The following RABGAP1L variants were observed in gnomAD, a reference collection of about 807,000 sequenced individuals.
The protein encoded by RABGAP1L is RAB GTPase activating protein 1 like.
RABGAP1L carries 63 observed loss-of-function variants against 137.7 expected under a neutral mutation model. The ratio of observed to expected loss-of-function variants is 0.46; its 90% CI spans 0.37 to 0.56. The LOEUF (loss-of-function observed/expected upper bound fraction) is 0.56, where lower values mean the gene tolerates loss of function less well. Among genes scored for constraint, RABGAP1L ranks in the 20% least tolerant of loss-of-function variants. The probability of loss-of-function intolerance (pLI) is 0.00; values close to 1 mark genes in which losing one functional copy is unlikely to be tolerated. For missense variants in RABGAP1L, 1,095 were observed against 1,244.0 expected, an observed-to-expected ratio of 0.88 and a Z score of 1.80; for synonymous variants, 431 against 433.7, an observed-to-expected ratio of 0.99 and a Z score of 0.08.
intron 19 of RABGAP1L, among the ~76,000 whole-genome samples, chr1:174,927,421 G>A (rs1663027820): frequency 6.6e-6 from 1 of 151,904 alleles, no homozygotes; most frequent in Non-Finnish European, 1.5e-5. Flanking sequence ...TTAGAGATAG[G>A]GTCTCGCTGC....
chr1:174,366,632 G>T (rs563025725), intron 11 of RABGAP1L, among the ~76,000 whole-genome samples: 1 of 151,794 alleles, frequency 6.6e-6, no homozygotes, highest in African/African-American at 2.4e-5. Flanking sequence ...AAAATTAGCC[G>T]GGTTTGGTGG....
intron 10 of RABGAP1L, among the ~76,000 whole-genome samples, chr1:174,289,337 T>G (rs750117146): frequency 1.3e-5 from 2 of 152,252 alleles, no homozygotes; most frequent in Non-Finnish European, 2.9e-5. Flanking sequence ...CCACTGTGCC[T>G]AGCTGGATTT....
intron 13 of RABGAP1L, among the ~76,000 whole-genome samples, chr1:174,597,738 C>G (rs1359938023): frequency 6.6e-6 from 1 of 151,928 alleles, no homozygotes; most frequent in Non-Finnish European, 1.5e-5. Flanking sequence ...TTTATTTCTG[C>G]TTTCATCTTA....
chr1:174,900,483 T>C (rs984955276), intron 19 of RABGAP1L, among the ~76,000 whole-genome samples: 3 of 152,190 alleles, frequency 2.0e-5, no homozygotes, highest in Non-Finnish European at 4.4e-5. Flanking sequence ...GAATGTGAAG[T>C]TACAAAGTGT....
At chr1:174,366,629 G>C (rs115608831) in intron 11 of RABGAP1L, among the ~76,000 whole-genome samples, 8,344 of 151,792 alleles carry the variant, frequency 0.055, 338 homozygotes, top group Non-Finnish European at 0.077. Flanking sequence ...AAAAAAATTA[G>C]CCGGGTTTGG....
At chr1:174,349,789 A>C in intron 11 of RABGAP1L, among the ~76,000 whole-genome samples, 1 of 100,182 alleles carries the variant, frequency 1.0e-5, no homozygotes. Context: ...GGGGCTCCTC[A>C]CTTCCCAGTA....
In RABGAP1L at chr1:174,810,890, G is replaced by A. The variant is rs181473211; in HGVS notation, c.2212-942G>A. Among the ~76,000 whole-genome samples, 7 of 151,974 alleles carry A rather than the reference G, an allele frequency of 4.6e-5. No individual in the cohort carries two copies. The East Asian group carries it at 1.4e-3, about 29-fold the overall frequency. ...AGGTGGGAAGATACCCTGAGCCCAG[G>A]AGTTATCAGCTTGGGCAACAGAGTG... On this transcript the variant is annotated intron_variant, in intron 18 of 25. Transcript: ENST00000681986.
At chr1:174,891,929 A>G (rs994947016) in intron 19 of RABGAP1L, among the ~76,000 whole-genome samples, 1 of 151,966 alleles carries the variant, frequency 6.6e-6, no homozygotes, top group East Asian at 1.9e-4. Context: ...GAAGTTACTC[A>G]TAAGTTTACT....
At chr1:174,791,684 G>C (rs989733983) in intron 18 of RABGAP1L, among the ~76,000 whole-genome samples, 1 of 152,178 alleles carries the variant, frequency 6.6e-6, no homozygotes, top group Admixed American at 6.5e-5. Context: ...GGGGATGAAC[G>C]AACTGAGATA....
At chr1:174,304,165 A>G (rs1677979140) in intron 10 of RABGAP1L, among the ~76,000 whole-genome samples, 1 of 152,142 alleles carries the variant, frequency 6.6e-6, no homozygotes, top group Non-Finnish European at 1.5e-5. Flanking sequence ...TTTGATTATG[A>G]CATTAATTGA....
chr1:174,516,113 G>C (rs542208985), intron 13 of RABGAP1L, among the ~76,000 whole-genome samples: 2 of 122,846 alleles, frequency 1.6e-5, no homozygotes, highest in Non-Finnish European at 1.6e-5. Flanking sequence ...GATGAAAACT[G>C]AAGCTCTACA....
chr1:174,970,775 G>T lies in RABGAP1L; in HGVS notation c.2544+1388G>T, dbSNP rs187912117. Among the ~76,000 whole-genome samples the T allele has an allele frequency of 1.0e-3, 152 of 152,014 alleles. 1 individual carries two copies. The highest frequency in any genetic ancestry group is 1.6e-3 in the Non-Finnish European group (112 of 67,976). On this transcript the variant is annotated intron_variant, in intron 21 of 25. Coordinates refer to ENST00000681986, the MANE Select transcript of RABGAP1L (RefSeq NM_001366446.1). ...TTAAAAAAAATGTATATACAAGGTT[G>T]TTTACTGCAGTGTTACTTATAAGAA...
chr1:174,269,196 G>T (rs1206812530), intron 7 of RABGAP1L, among the ~76,000 whole-genome samples: 1 of 152,196 alleles, frequency 6.6e-6, no homozygotes, highest in African/African-American at 2.4e-5. Flanking sequence ...GCCCACCTCG[G>T]CCTCCCAAAG....
At position 174,995,071 on chromosome 1, in the gene RABGAP1L, T is replaced by C. The variant is rs1262017261; in HGVS notation, c.*5070T>C. On this transcript the variant is annotated 3_prime_UTR_variant, in exon 26 of 26. Coordinates refer to ENST00000681986, the MANE Select transcript of RABGAP1L (RefSeq NM_001366446.1). ...CACTCTATAAATGTAAATGTAATGC[T>C]TGTCTAAAAAGTGCAATTTATTGTA... 6.6e-6 allele frequency: 1 copy of C among 152,232 alleles called. No individual in the cohort carries two copies. The highest frequency in any genetic ancestry group is 1.5e-5 in the Non-Finnish European group (1 of 68,042). 9.4% of individuals were successfully genotyped at this position (152,232 alleles called of 1,614,324 possible).
intron 13 of RABGAP1L, among the ~76,000 whole-genome samples, chr1:174,613,731 C>G (rs1321780006): frequency 1.3e-5 from 2 of 152,220 alleles, no homozygotes; most frequent in African/African-American, 2.4e-5. Context: ...CATTATGAAT[C>G]TGGGTGCTCC....
chr1:174,328,023 A>G (rs1338926299), intron 11 of RABGAP1L, among the ~76,000 whole-genome samples: 1 of 133,934 alleles, frequency 7.5e-6, no homozygotes, highest in Non-Finnish European at 1.6e-5. Context: ...ATATATATAT[A>G]TACCCAACAT....
At chr1:174,802,047 T>C (rs1251122211) in intron 18 of RABGAP1L, among the ~76,000 whole-genome samples, 1 of 152,208 alleles carries the variant, frequency 6.6e-6, no homozygotes, top group African/African-American at 2.4e-5. Context: ...ATTAAGAATA[T>C]TTTGCATACT....
chr1:174,783,911 TA>T (rs1687237913), intron 18 of RABGAP1L, among the ~76,000 whole-genome samples: 1 of 151,026 alleles, frequency 6.6e-6, no homozygotes, highest in Non-Finnish European at 1.5e-5. Flanking sequence ...GGTTTCACCA[TA>T]TTGGCCAGGA....
intron 13 of RABGAP1L, among the ~76,000 whole-genome samples, chr1:174,441,163 C>G (rs1396427559): frequency 6.6e-6 from 1 of 151,292 alleles, no homozygotes; most frequent in Non-Finnish European, 1.5e-5. Flanking sequence ...TCAAGTAATT[C>G]CATATAATGA....
Sources: gnomAD v4.1 joint callset for allele counts (sites outside exome capture counted in the v4.1 genomes callset) on GRCh38, gnomAD v4.1.1 for gene constraint, MANE v1.5 for transcripts, NCBI Gene and HGNC (gene_info 2026-07-23, HGNC 2026-07-21) for gene names.